Variants in FHOD3 observed in about 807,000 individuals in gnomAD.
The protein encoded by FHOD3 is formin homology 2 domain containing 3, also known as FH1/FH2 domain-containing protein 3.
In FHOD3, 90 loss-of-function variants were observed where a neutral mutation model predicts 173.0. That is an observed-to-expected ratio of 0.52 (90% CI 0.44 to 0.62). The LOEUF is 0.62. Ranked by LOEUF, FHOD3 falls within the 20% of genes least tolerant of loss-of-function variation. FHOD3 has a pLI of 0.00. For missense variants in FHOD3, 1,945 were observed against 2,034.7 expected (o/e 0.96, Z 0.85); for synonymous variants, 828 against 823.0 (o/e 1.01, Z -0.10).
At chr18:36,304,547 C>A (rs2092040807) in intron 1 of FHOD3, among the ~76,000 whole-genome samples, 1 of 152,096 alleles carries the variant, frequency 6.6e-6, no homozygotes, top group Admixed American at 6.5e-5. Flanking sequence ...GATAGCTAAC[C>A]ATCAGTGGAT....
At chr18:36,644,738 A>G (rs972375907) in intron 10 of FHOD3, among the ~76,000 whole-genome samples, 2 of 152,220 alleles carry the variant, frequency 1.3e-5, no homozygotes, top group Non-Finnish European at 2.9e-5. Context: ...TTTACATATT[A>G]ATGCATTCCT....
At chr18:36,762,774 C>T (rs577173512) in intron 27 of FHOD3, among the ~76,000 whole-genome samples, 75 of 148,404 alleles carry the variant, frequency 5.1e-4, no homozygotes, top group African/African-American at 1.6e-3. Context: ...CAAGCCTGGG[C>T]GAAGAAGCAA....
chr18:36,662,643 C>T (rs976806856), intron 14 of FHOD3, among the ~76,000 whole-genome samples: 2 of 152,098 alleles, frequency 1.3e-5, no homozygotes, highest in Non-Finnish European at 2.9e-5. Flanking sequence ...TAAGTAACAA[C>T]ATCTTGTTAG....
chr18:36,649,942 A>G (rs1261616284), intron 11 of FHOD3, among the ~76,000 whole-genome samples: 1 of 152,246 alleles, frequency 6.6e-6, no homozygotes, highest in African/African-American at 2.4e-5. Flanking sequence ...GACAACTAAC[A>G]TATAACTCTA....
At chr18:36,693,181 C>G in intron 16 of FHOD3, 28 bp from the exon 17 acceptor site, 1 of 1,597,714 alleles carries the variant, frequency 6.3e-7, no homozygotes, top group Non-Finnish European at 8.5e-7. Context: ...TTTCGTTTGA[C>G]GGAAACCCTT....
chr18:36,709,269 A>G lies in FHOD3; in HGVS notation c.2411A>G (p.Lys804Arg). ...EPEERASLSE[K>R]ERQNEGVNER... ...GAAGAAAGAGCCTCCCTCAGTGAAA[A>G]AGAGAGGCAGAACGAGGGGGTGAAC... Residue 804 changes from lysine (K) to arginine (R), a missense_variant, in exon 18 of 29, where the codon AAA becomes AGA. Lys to Arg is a conservative substitution (Grantham distance 26). Coordinates refer to ENST00000590592, the MANE Select transcript of FHOD3 (RefSeq NM_001281740.3). 1 of 1,614,212 alleles carries G rather than the reference A, an allele frequency of 6.2e-7. No individual in the cohort carries two copies. Among genetic ancestry groups the G allele is most frequent in the Non-Finnish European group, 8.5e-7 (1 of 1,180,042 alleles).
chr18:36,540,012 G>A (rs2057143621), intron 5 of FHOD3, among the ~76,000 whole-genome samples: 1 of 152,164 alleles, frequency 6.6e-6, no homozygotes, highest in Non-Finnish European at 1.5e-5. Flanking sequence ...TTTAAATCAT[G>A]ATCCCTTTCA....
intron 5 of FHOD3, among the ~76,000 whole-genome samples, chr18:36,551,979 G>C (rs952185818): frequency 2.0e-5 from 3 of 152,156 alleles, no homozygotes; most frequent in African/African-American, 7.2e-5. Context: ...TGGCAATGCA[G>C]GCTCTTTTTT....
At chr18:36,774,129 C>A (rs895885317) in intron 28 of FHOD3, among the ~76,000 whole-genome samples, 3 of 152,216 alleles carry the variant, frequency 2.0e-5, no homozygotes, top group African/African-American at 7.2e-5. Flanking sequence ...CCTTTGCCCA[C>A]CTCCAACATG....
chr18:36,499,348 C>G (rs1260913373), intron 3 of FHOD3, among the ~76,000 whole-genome samples: 1 of 152,126 alleles, frequency 6.6e-6, no homozygotes, highest in African/African-American at 2.4e-5. Context: ...AAGTGATCCG[C>G]CTGCCTCGGC....
At chr18:36,693,185 A>G in intron 16 of FHOD3, 24 bp from the exon 17 acceptor site, 2 of 1,603,498 alleles carry the variant, frequency 1.2e-6, no homozygotes, top group Non-Finnish European at 1.7e-6. Flanking sequence ...GTTTGACGGA[A>G]ACCCTTTGGA....
At chr18:36,362,829 G>A (rs1262464814) in intron 2 of FHOD3, among the ~76,000 whole-genome samples, 1 of 152,070 alleles carries the variant, frequency 6.6e-6, no homozygotes, top group Admixed American at 6.5e-5. Context: ...TTTTTATCAT[G>A]GAAAAAAAGT....
At chr18:36,341,820 A>C (rs1428104950) in intron 1 of FHOD3, among the ~76,000 whole-genome samples, 8 of 152,208 alleles carry the variant, frequency 5.3e-5, no homozygotes, top group Non-Finnish European at 1.2e-4. Flanking sequence ...GGAAAACATT[A>C]TCCAGGACCT....
At chr18:36,499,467 T>C (rs2054912964) in intron 3 of FHOD3, among the ~76,000 whole-genome samples, 1 of 152,212 alleles carries the variant, frequency 6.6e-6, no homozygotes, top group Non-Finnish European at 1.5e-5. Flanking sequence ...CTGGATAGGA[T>C]AAATCTGGTC....
intron 2 of FHOD3, among the ~76,000 whole-genome samples, chr18:36,361,049 G>A (rs1005289765): frequency 3.3e-5 from 5 of 152,174 alleles, no homozygotes; most frequent in Non-Finnish European, 7.3e-5. Context: ...AGGGAAGAAA[G>A]GTAGACGTTC....
intron 23 of FHOD3, among the ~76,000 whole-genome samples, chr18:36,744,463 G>A (rs1008803453): frequency 2.6e-5 from 4 of 152,244 alleles, no homozygotes; most frequent in Non-Finnish European, 5.9e-5. Flanking sequence ...TGCGTCCACT[G>A]TTAGGCAGTG....
At chr18:36,742,522 C>T (rs912433235) in intron 21 of FHOD3, among the ~76,000 whole-genome samples, 1 of 152,126 alleles carries the variant, frequency 6.6e-6, no homozygotes. Flanking sequence ...GCCCTTGTCA[C>T]CCCAGCACAA....
intron 28 of FHOD3, chr18:36,779,146 C>T (rs1319792907): frequency 9.8e-6 from 4 of 406,706 alleles, no homozygotes; most frequent in South Asian, 3.9e-5. Flanking sequence ...TCAGAAGCCT[C>T]GTGAGGGTGA....
Position 36,649,415 on chromosome 18 carries a change from A to T in FHOD3, c.1286+10A>T. 1 of 1,532,738 alleles carries T rather than the reference A, an allele frequency of 6.5e-7. No homozygotes were observed. The highest frequency in any genetic ancestry group is 8.7e-7 in the Non-Finnish European group (1 of 1,144,568). The allele number at this position is 1,532,738 out of a possible 1,614,324, so 94.9% of individuals were successfully genotyped here. On this transcript the variant is annotated intron_variant, in intron 11 of 28. Transcript: ENST00000590592. ...GTCAGGGCAAGGACAGGTACCTAGG[A>T]CTGGAGCCTCCCAAGCTCACACTAA... is the stretch of plus-strand genomic sequence containing the variant.
Sources: gnomAD v4.1 joint callset for allele counts (sites outside exome capture counted in the v4.1 genomes callset) on GRCh38, gnomAD v4.1.1 for gene constraint, MANE v1.5 for transcripts, NCBI Gene and HGNC (gene_info 2026-07-23, HGNC 2026-07-21) for gene names.